The following TMEM117 variants were observed in gnomAD, a reference collection of about 807,000 sequenced individuals.
TMEM117 encodes transmembrane protein 117.
Under a neutral mutation model 52.4 loss-of-function variants are expected in TMEM117, and 27 were observed. That is an observed-to-expected ratio of 0.51 (90% CI 0.38 to 0.71). The LOEUF (loss-of-function observed/expected upper bound fraction) is 0.71. Among genes scored for constraint, TMEM117 ranks in the 30% least tolerant of loss-of-function variants. The pLI is 0.00. For missense variants in TMEM117, 556 were observed against 630.5 expected (o/e 0.88, Z 1.26); for synonymous variants, 215 against 206.3 (o/e 1.04, Z -0.36).
At chr12:44,242,505 G>A (rs368729536) in intron 5 of TMEM117, among the ~76,000 whole-genome samples, 13 of 151,612 alleles carry the variant, frequency 8.6e-5, no homozygotes, top group African/African-American at 1.7e-4. Context: ...ATTCCATGGC[G>A]TATATGTGCC....
chr12:44,086,717 T>G (rs1486327598), intron 3 of TMEM117, among the ~76,000 whole-genome samples: 1 of 152,086 alleles, frequency 6.6e-6, no homozygotes, highest in Non-Finnish European at 1.5e-5. Flanking sequence ...TGCAAGCAGC[T>G]CTTTCGCTAT....
intron 3 of TMEM117, among the ~76,000 whole-genome samples, chr12:44,030,235 A>C (rs1946611561): frequency 6.6e-6 from 1 of 152,228 alleles, no homozygotes; most frequent in Non-Finnish European, 1.5e-5. Flanking sequence ...TGCAGTTTCG[A>C]TATTAGGTTT....
rs144426724 is a variant in TMEM117 at position 44,284,228 on chromosome 12, C to A, written c.609-15352C>A. Among the ~76,000 whole-genome samples the A allele has an allele frequency of 5.0e-3, 754 of 152,222 alleles. 3 individuals are homozygous for A. Among genetic ancestry groups the A allele is most frequent in the Non-Finnish European group, 8.4e-3 (573 of 67,998 alleles). On this transcript the variant is annotated intron_variant, in intron 5 of 7. Transcript: ENST00000266534. Reference sequence around the variant, plus strand: ...TCAGGAGGCTGAGGCAGGAGACTTGCTTGAACCCGAGAGGTGGAGGTTTCA... The same window carrying A: ...TCAGGAGGCTGAGGCAGGAGACTTGATTGAACCCGAGAGGTGGAGGTTTCA...
chr12:43,900,121 T>TA (rs1461715192), intron 2 of TMEM117, among the ~76,000 whole-genome samples: 1 of 152,214 alleles, frequency 6.6e-6, no homozygotes, highest in Non-Finnish European at 1.5e-5. Context: ...CAAACTACAG[T>TA]AAAAATCTAC....
At chr12:44,302,086 G>A (rs895898858) in intron 6 of TMEM117, among the ~76,000 whole-genome samples, 1 of 151,874 alleles carries the variant, frequency 6.6e-6, no homozygotes, top group Non-Finnish European at 1.5e-5. Context: ...CTTCTTTCTC[G>A]TTTCCTTGCC....
At chr12:44,396,722 C>T in the TMEM117 span, among the ~76,000 whole-genome samples, 11 of 151,544 alleles carry the variant, frequency 7.3e-5, no homozygotes, top group East Asian at 2.0e-4. Context: ...GGTGTGGTGG[C>T]GGGCACCTGT....
At chr12:44,103,566 C>A (rs1463987410) in intron 3 of TMEM117, among the ~76,000 whole-genome samples, 18 of 151,942 alleles carry the variant, frequency 1.2e-4, no homozygotes. Flanking sequence ...TCCTCTATTA[C>A]TTTTTTTCAG....
intron 3 of TMEM117, among the ~76,000 whole-genome samples, chr12:43,956,265 T>C (rs1246590294): frequency 6.6e-6 from 1 of 152,038 alleles, no homozygotes; most frequent in Non-Finnish European, 1.5e-5. Context: ...CCGAAAGCAA[T>C]TGCAACAAAA....
chr12:44,278,559 A>T (rs926954296), intron 5 of TMEM117, among the ~76,000 whole-genome samples: 1 of 152,182 alleles, frequency 6.6e-6, no homozygotes, highest in Non-Finnish European at 1.5e-5. Context: ...CTGTTCCTCA[A>T]TGTGAGCTCT....
intron 5 of TMEM117, among the ~76,000 whole-genome samples, chr12:44,243,613 A>T (rs566553865): frequency 6.6e-6 from 1 of 151,642 alleles, no homozygotes; most frequent in South Asian, 2.1e-4. Context: ...TATTTCACAC[A>T]CTTATTTCTT....
intron 6 of TMEM117, among the ~76,000 whole-genome samples, chr12:44,358,253 C>T (rs898618452): frequency 6.6e-6 from 1 of 151,926 alleles, no homozygotes; most frequent in Admixed American, 6.6e-5. Flanking sequence ...ATCAATCATA[C>T]CACAAACCTA....
intron 3 of TMEM117, among the ~76,000 whole-genome samples, chr12:43,988,057 A>C (rs963467203): frequency 6.6e-6 from 1 of 152,084 alleles, no homozygotes; most frequent in Non-Finnish European, 1.5e-5. Flanking sequence ...TTTTTGGTTG[A>C]AATGCCTTTA....
At chr12:44,154,649 G>A (rs1215373478) in intron 4 of TMEM117, among the ~76,000 whole-genome samples, 1 of 150,350 alleles carries the variant, frequency 6.7e-6, no homozygotes, top group Non-Finnish European at 1.5e-5. Flanking sequence ...TAGAATCAAG[G>A]AAGAATTTTG....
chr12:44,171,255 T>C (rs958063610), intron 4 of TMEM117, among the ~76,000 whole-genome samples: 1 of 152,156 alleles, frequency 6.6e-6, no homozygotes, highest in African/African-American at 2.4e-5. Flanking sequence ...GACCTCGTGA[T>C]CCGCCCGCCT....
chr12:44,028,294 G>T (rs1387580738), intron 3 of TMEM117, among the ~76,000 whole-genome samples: 1 of 152,170 alleles, frequency 6.6e-6, no homozygotes, highest in African/African-American at 2.4e-5. Context: ...GTGAATGAAT[G>T]AATGAATGAG....
At chr12:44,107,531 G>A (rs1005080843) in intron 3 of TMEM117, among the ~76,000 whole-genome samples, 1 of 152,012 alleles carries the variant, frequency 6.6e-6, no homozygotes, top group Non-Finnish European at 1.5e-5. Flanking sequence ...GTATTTTAAT[G>A]TGAGTTGACA....
At chr12:44,199,691 A>G (rs1031842254) in intron 4 of TMEM117, among the ~76,000 whole-genome samples, 7 of 152,200 alleles carry the variant, frequency 4.6e-5, no homozygotes, top group African/African-American at 1.7e-4. Flanking sequence ...AAGGAAATCT[A>G]TGAAAATCCT....
At chr12:44,078,370 C>A (rs1947415986) in intron 3 of TMEM117, among the ~76,000 whole-genome samples, 1 of 152,152 alleles carries the variant, frequency 6.6e-6, no homozygotes, top group South Asian at 2.1e-4. Flanking sequence ...AGATGTCAAG[C>A]AACATACATG....
intron 3 of TMEM117, among the ~76,000 whole-genome samples, chr12:44,097,165 A>G (rs1947780282): frequency 6.6e-6 from 1 of 152,182 alleles, no homozygotes; most frequent in African/African-American, 2.4e-5. Flanking sequence ...CCATAATGAG[A>G]CACCATCTCA....
Sources: gnomAD v4.1 joint callset for allele counts (sites outside exome capture counted in the v4.1 genomes callset) on GRCh38, gnomAD v4.1.1 for gene constraint, MANE v1.5 for transcripts, NCBI Gene and HGNC (gene_info 2026-07-23, HGNC 2026-07-21) for gene names.